The following TBCD variants were observed in gnomAD, a reference collection of about 807,000 sequenced individuals.
TBCD encodes the protein tubulin folding cofactor D.
Under a neutral mutation model 169.3 loss-of-function variants are expected in TBCD, and 105 were observed. That is an observed-to-expected ratio of 0.62 (90% CI 0.53 to 0.73). TBCD has a LOEUF of 0.73. TBCD is among the 30% of genes least tolerant of loss of function. The pLI, the probability that TBCD is intolerant of heterozygous loss-of-function variation, is 0.00. For synonymous variants in TBCD, 700 were observed against 643.9 expected (o/e 1.09, Z -1.32); for missense variants, 1,444 against 1,600.1 (o/e 0.90, Z 1.66).
intron 23 of TBCD, among the ~76,000 whole-genome samples, chr17:82,912,457 C>T (rs1056512406): frequency 1.3e-5 from 2 of 152,228 alleles, no homozygotes; most frequent in Admixed American, 6.5e-5. Flanking sequence ...ATAGACATTC[C>T]TGATGGCAGC....
At chr17:82,764,817 G>A (rs2047945753) in intron 3 of TBCD, among the ~76,000 whole-genome samples, 2 of 103,906 alleles carry the variant, frequency 1.9e-5, no homozygotes, top group Non-Finnish European at 3.9e-5. Flanking sequence ...GGGTGTCTGT[G>A]CTCATAGTCT....
At chr17:82,939,518 C>A (rs1430916640) in intron 37 of TBCD, 42 bp downstream of exon 37, 1 of 1,491,072 alleles carries the variant, frequency 6.7e-7, no homozygotes. Context: ...GGGCCTGGCA[C>A]CGCCCCTCTT....
chr17:82,846,366 G>T (rs1230176300), intron 13 of TBCD, among the ~76,000 whole-genome samples: 1 of 151,388 alleles, frequency 6.6e-6, no homozygotes, highest in African/African-American at 2.4e-5. Context: ...TCCATGCGCT[G>T]TGTCCCATGT....
rs2061489724 is a variant in TBCD at position 82,922,700 on chromosome 17, G to A, written c.2179-952G>A. ...CTGGGATTGGCACAGGTGGTGACTC[G>A]TGGAATGCAGCACCCTGTAGACGAC... On this transcript the variant is annotated intron_variant, in intron 25 of 38. Coordinates refer to ENST00000355528, the MANE Select transcript of TBCD (RefSeq NM_005993.5). This position sits in a 1 kb window ranked among gnomAD's most constrained non-coding sequence, Gnocchi z 4.1. 6.6e-6 allele frequency among the ~76,000 whole-genome samples: 1 copy of A among 152,204 alleles called. No homozygotes were observed. Among genetic ancestry groups the A allele is most frequent in the South Asian group, 2.1e-4 (1 of 4,834 alleles).
In TBCD at chr17:82,923,542, G is replaced by A. The variant is rs556759032; in HGVS notation, c.2179-110G>A. The A allele has an allele frequency of 5.7e-6, 5 of 875,158 alleles. No homozygotes were observed. Among genetic ancestry groups the A allele is most frequent in the South Asian group, 1.5e-5 (1 of 66,690 alleles). 54.2% of individuals were successfully genotyped at this position (875,158 alleles called of 1,614,324 possible). On this transcript the variant is annotated intron_variant, in intron 25 of 38. Transcript: ENST00000355528. This position sits in a 1 kb window ranked among gnomAD's most constrained non-coding sequence, Gnocchi z 4.6. ...GCTGCTCTGACCTCAGGGTGACCAC[G>A]GTGTCCCTGGTCAGGTGCTTCTCCG...
chr17:82,805,793 A>G (rs2144762318), intron 9 of TBCD, 82 bp from the exon 10 acceptor site: 1 of 1,494,424 alleles, frequency 6.7e-7, no homozygotes, highest in Non-Finnish European at 9.1e-7. Flanking sequence ...TTTAAGATTC[A>G]AAGTGACACT....
intron 2 of TBCD, among the ~76,000 whole-genome samples, chr17:82,757,018 A>G (rs1034966021): frequency 6.6e-6 from 1 of 152,014 alleles, no homozygotes; most frequent in African/African-American, 2.4e-5. Flanking sequence ...TTTTTGATGT[A>G]TTTCACACTG....
chr17:82,865,132 C>T (rs979582715), intron 13 of TBCD, among the ~76,000 whole-genome samples: 1 of 152,082 alleles, frequency 6.6e-6, no homozygotes, highest in African/African-American at 2.4e-5. Flanking sequence ...CTGTCCATCA[C>T]TGCCTCTTAC....
intron 7 of TBCD, 97 bp downstream of exon 7, chr17:82,781,818 A>T: frequency 6.5e-7 from 1 of 1,536,140 alleles, no homozygotes; most frequent in Non-Finnish European, 8.8e-7. Flanking sequence ...TCTTGACGTA[A>T]TTGGAACCCC....
At chr17:82,858,361 T>A (rs1349047929) in intron 13 of TBCD, among the ~76,000 whole-genome samples, 1 of 152,234 alleles carries the variant, frequency 6.6e-6, no homozygotes, top group African/African-American at 2.4e-5. Context: ...AACATCTTTC[T>A]ACCTGGAAGA....
chr17:82,816,525 C>T (rs958100600), intron 13 of TBCD, among the ~76,000 whole-genome samples: 6 of 152,000 alleles, frequency 3.9e-5, no homozygotes, highest in African/African-American at 1.5e-4. Flanking sequence ...TGATCCTCAC[C>T]AACACTTGCT....
chr17:82,818,043 C>G (rs1034348302), intron 13 of TBCD, among the ~76,000 whole-genome samples: 3 of 152,208 alleles, frequency 2.0e-5, no homozygotes, highest in African/African-American at 7.2e-5. Flanking sequence ...AGAGACTCTA[C>G]TGGCTTGTGT....
At chr17:82,906,412 C>T (rs1266099637) in intron 20 of TBCD, among the ~76,000 whole-genome samples, 2 of 152,236 alleles carry the variant, frequency 1.3e-5, no homozygotes, top group Admixed American at 6.5e-5. Flanking sequence ...CGGCATTGAG[C>T]GACTTGCATG....
intron 13 of TBCD, among the ~76,000 whole-genome samples, chr17:82,836,643 C>T (rs1041970735): frequency 1.3e-4 from 19 of 150,522 alleles, no homozygotes; most frequent in African/African-American, 4.2e-4. Context: ...ATGAGGACTT[C>T]AGTTTTCGAA....
At chr17:82,830,020 TTTG>T in intron 13 of TBCD, 1 of 1,474,762 alleles carries the variant, frequency 6.8e-7, no homozygotes, top group South Asian at 1.2e-5. Flanking sequence ...TGTTTGTTTT[TTTG>T]AGAAGCAGCA....
chr17:82,850,758 A>C (rs1043699455), intron 13 of TBCD, among the ~76,000 whole-genome samples: 1 of 152,198 alleles, frequency 6.6e-6, no homozygotes, highest in Non-Finnish European at 1.5e-5. Flanking sequence ...CCATCCCTGC[A>C]TTGAATTCGT....
In TBCD at chr17:82,922,490, C is replaced by T. The variant is rs574478700; in HGVS notation, c.2178+913C>T. 7.9e-5 allele frequency among the ~76,000 whole-genome samples: 12 copies of T among 152,314 alleles called. No individual in the cohort carries two copies. Among genetic ancestry groups the T allele is most frequent in the Admixed American group, 7.8e-4 (12 of 15,304 alleles). ...ATTCTCTGACTTCCTCCATGCTTAGCATTTCTTTTTCCTTAGCATCTTCAA... is the reference window on the plus strand; with the variant it reads ...ATTCTCTGACTTCCTCCATGCTTAGTATTTCTTTTTCCTTAGCATCTTCAA... On this transcript the variant is annotated intron_variant, in intron 25 of 38. Transcript: ENST00000355528. The surrounding 1 kb of genome is among the most constrained non-coding windows in gnomAD (Gnocchi z 4.1).
chr17:82,849,990 GC>G (rs2055540864), intron 13 of TBCD, among the ~76,000 whole-genome samples: 3 of 149,480 alleles, frequency 2.0e-5, no homozygotes, highest in African/African-American at 2.5e-5. Context: ...TGGCTGTGCT[GC>G]TGTTGGCTGT....
chr17:82,773,329 G>A (rs1250325083), intron 6 of TBCD, among the ~76,000 whole-genome samples: 1 of 152,162 alleles, frequency 6.6e-6, no homozygotes, highest in East Asian at 1.9e-4. Context: ...TTGGATGAGG[G>A]GTTTGTGACA....
Sources: gnomAD v4.1 joint callset for allele counts (sites outside exome capture counted in the v4.1 genomes callset) on GRCh38, gnomAD v4.1.1 for gene constraint, Gnocchi (gnomAD v3.1) non-coding constraint, MANE v1.5 for transcripts, NCBI Gene and HGNC (gene_info 2026-07-23, HGNC 2026-07-21) for gene names.